Variants in CCSER1 observed in about 807,000 individuals in gnomAD.
CCSER1 encodes coiled-coil serine rich protein 1.
CCSER1 carries 41 observed loss-of-function variants against 82.0 expected under a neutral mutation model. The ratio of observed to expected loss-of-function variants is 0.50; its 90% confidence interval spans 0.39 to 0.65. The LOEUF (loss-of-function observed/expected upper bound fraction) is 0.65, where lower values mean the gene tolerates loss of function less well. CCSER1 is among the 30% of genes least tolerant of loss of function. The probability of loss-of-function intolerance (pLI) is 0.00; values close to 1 mark genes in which losing one functional copy is unlikely to be tolerated. For synonymous variants in CCSER1, 414 were observed against 383.9 expected (o/e 1.08, Z -0.92); for missense variants, 1,119 against 1,064.2 (o/e 1.05, Z -0.72).
intron 5 of CCSER1, among the ~76,000 whole-genome samples, chr4:90,532,809 A>G (rs1774731046): frequency 6.6e-6 from 1 of 152,150 alleles, no homozygotes; most frequent in Admixed American, 6.5e-5. Flanking sequence ...CCCACTATGT[A>G]CAAATAGATC....
At chr4:90,834,839 G>A (rs1337357404) in intron 8 of CCSER1, among the ~76,000 whole-genome samples, 2 of 152,034 alleles carry the variant, frequency 1.3e-5, no homozygotes, top group African/African-American at 2.4e-5. Context: ...TTCTTTTCTC[G>A]TACAGAATAC....
intron 4 of CCSER1, among the ~76,000 whole-genome samples, chr4:90,436,279 A>T (rs1308388660): frequency 6.6e-6 from 1 of 152,178 alleles, no homozygotes; most frequent in Non-Finnish European, 1.5e-5. Flanking sequence ...CTTTTTCTGG[A>T]ACTTAATTTG....
intron 10 of CCSER1, among the ~76,000 whole-genome samples, chr4:91,225,221 T>C (rs1022022267): frequency 1.6e-4 from 23 of 142,200 alleles, no homozygotes; most frequent in Admixed American, 5.9e-4. Context: ...TATAATTGTA[T>C]ACAGTTATAT....
At chr4:90,393,421 C>G (rs1454837963) in intron 3 of CCSER1, among the ~76,000 whole-genome samples, 1 of 152,064 alleles carries the variant, frequency 6.6e-6, no homozygotes, top group African/African-American at 2.4e-5. Flanking sequence ...AGCACCTGAT[C>G]GTAAGGTAGA....
rs1032761428 is a variant in CCSER1 at position 91,603,568 on chromosome 4, G to A, written c.*4511G>A. ...AGTGATCTAGAATATGGGATACCACGGTTCTTTTTAGAGCATTTTCAGTGT... is the reference window on the plus strand; with the variant it reads ...AGTGATCTAGAATATGGGATACCACAGTTCTTTTTAGAGCATTTTCAGTGT... On this transcript the variant is annotated 3_prime_UTR_variant, in exon 11 of 11. Coordinates refer to ENST00000509176, the MANE Select transcript of CCSER1 (RefSeq NM_001145065.2). 7 of 151,988 alleles carry A rather than the reference G, an allele frequency of 4.6e-5. No individual in the cohort carries two copies. Among genetic ancestry groups the A allele is most frequent in the African/African-American group, 1.7e-4 (7 of 41,386 alleles). 9.4% of individuals were successfully genotyped at this position (151,988 alleles called of 1,614,324 possible). A position where few individuals can be genotyped will look rare whatever the true frequency, so the allele number is the denominator to read the frequency against.
chr4:91,127,245 A>G (rs1373120358), intron 10 of CCSER1, among the ~76,000 whole-genome samples: 2 of 152,112 alleles, frequency 1.3e-5, no homozygotes, highest in South Asian at 2.1e-4. Flanking sequence ...CAAGGGCACT[A>G]TATGGATAAA....
rs144779510 is a variant in CCSER1 at position 90,683,312 on chromosome 4, A to G, written c.1933-40602A>G. 9.9e-3 allele frequency among the ~76,000 whole-genome samples: 1,513 copies of G among 152,204 alleles called. 10 individuals carry two copies. The highest frequency in any genetic ancestry group is 0.017 in the Middle Eastern group (5 of 292). On this transcript the variant is annotated intron_variant, in intron 6 of 10. Transcript: ENST00000509176. Reference sequence around the variant, plus strand: ...TATCTAAGATATGTAGAAAGAAATTATGCCCCTTTCTCTTCTAGTCATTGT... The same window carrying G: ...TATCTAAGATATGTAGAAAGAAATTGTGCCCCTTTCTCTTCTAGTCATTGT...
At chr4:91,228,736 C>CA (rs1438750592) in intron 10 of CCSER1, among the ~76,000 whole-genome samples, 1 of 151,606 alleles carries the variant, frequency 6.6e-6, no homozygotes, top group African/African-American at 2.4e-5. Flanking sequence ...CACCTCATAG[C>CA]AAAAAAATAA....
At chr4:91,163,174 T>C (rs1034639692) in intron 10 of CCSER1, among the ~76,000 whole-genome samples, 1 of 152,258 alleles carries the variant, frequency 6.6e-6, no homozygotes, top group Non-Finnish European at 1.5e-5. Context: ...TATTTCTGCC[T>C]TCATTTATTA....
In CCSER1 at chr4:90,628,144, G is replaced by GCATA; in HGVS notation, c.1845_1848dup (p.Asp617HisfsTer45). The GCATA allele has an allele frequency of 6.2e-7, 1 of 1,613,814 alleles. No individual in the cohort carries two copies. The highest frequency in any genetic ancestry group is 2.2e-5 in the East Asian group (1 of 44,876). The stretch of plus-strand genomic sequence containing the variant: ...CTACAAGGTGTGGAAGAAAACGGAG[G>GCATA]CATAGATTCTCTGCCATTCAGACTG... On this transcript the variant is annotated frameshift_variant, in exon 6 of 11. Transcript: ENST00000509176. LOFTEE classifies it high-confidence loss of function.
intron 10 of CCSER1, among the ~76,000 whole-genome samples, chr4:91,147,188 G>A (rs1292295846): frequency 1.3e-5 from 2 of 152,178 alleles, no homozygotes; most frequent in Non-Finnish European, 2.9e-5. Flanking sequence ...AAGAGTGAGG[G>A]AACGCCAGGC....
At chr4:91,115,429 A>C (rs28409403) in intron 10 of CCSER1, among the ~76,000 whole-genome samples, 26,403 of 151,824 alleles carry the variant, frequency 0.17, 2,953 homozygotes, top group African/African-American at 0.31. Flanking sequence ...CACATTCAAG[A>C]GATTTTCCTG....
intron 10 of CCSER1, among the ~76,000 whole-genome samples, chr4:91,212,709 A>G (rs1310681753): frequency 6.6e-6 from 1 of 152,174 alleles, no homozygotes; most frequent in African/African-American, 2.4e-5. Flanking sequence ...AGTATTTTTT[A>G]TGAAATTTTT....
intron 5 of CCSER1, among the ~76,000 whole-genome samples, chr4:90,554,039 A>G (rs1396644891): frequency 2.0e-5 from 3 of 152,186 alleles, no homozygotes; most frequent in Non-Finnish European, 4.4e-5. Context: ...TTAGGGGTAA[A>G]AGCAGAAAAT....
chr4:91,048,631 T>C (rs1581422823), intron 9 of CCSER1, among the ~76,000 whole-genome samples: 1 of 152,160 alleles, frequency 6.6e-6, no homozygotes, highest in African/African-American at 2.4e-5. Context: ...AATAATCTGA[T>C]ATCCTTCTGC....
chr4:90,438,079 A>G (rs550737221), intron 4 of CCSER1, among the ~76,000 whole-genome samples: 3 of 152,292 alleles, frequency 2.0e-5, no homozygotes, highest in South Asian at 4.1e-4. Flanking sequence ...AATTAAAGAA[A>G]TAGCACATTG....
At chr4:90,659,136 T>C (rs531464037) in intron 6 of CCSER1, among the ~76,000 whole-genome samples, 219 of 148,720 alleles carry the variant, frequency 1.5e-3, no homozygotes, top group Middle Eastern at 3.7e-3. Flanking sequence ...TACTCCTAAA[T>C]TAATGTTACA....
At chr4:90,333,295 C>A (rs746139117) in intron 3 of CCSER1, among the ~76,000 whole-genome samples, 1 of 151,946 alleles carries the variant, frequency 6.6e-6, no homozygotes, top group Non-Finnish European at 1.5e-5. Flanking sequence ...CAGTTGTAAC[C>A]GGGAGTGGTT....
At chr4:91,125,673 C>T (rs1397255155) in intron 10 of CCSER1, among the ~76,000 whole-genome samples, 1 of 151,442 alleles carries the variant, frequency 6.6e-6, no homozygotes, top group Non-Finnish European at 1.5e-5. Context: ...CCAGGAGATT[C>T]ATCCAAAATA....
Sources: allele counts gnomAD v4.1 joint callset (sites outside exome capture counted in the v4.1 genomes callset), GRCh38; gene constraint gnomAD v4.1.1; transcripts MANE v1.5; gene names NCBI Gene and HGNC (gene_info 2026-07-23, HGNC 2026-07-21).